The following ZBTB20 variants were observed in gnomAD, a reference collection of about 807,000 sequenced individuals.
The protein encoded by ZBTB20 is zinc finger and BTB domain-containing protein 20.
In ZBTB20, 9 loss-of-function variants were observed where a neutral mutation model predicts 56.9. That is an observed-to-expected ratio of 0.16 (90% CI 0.10 to 0.28). The LOEUF (loss-of-function observed/expected upper bound fraction) is 0.28, where lower values mean the gene tolerates loss of function less well. Ranked by LOEUF, ZBTB20 falls within the 10% of genes least tolerant of loss-of-function variation. The pLI, the probability that ZBTB20 is intolerant of heterozygous loss-of-function variation, is 1.00. For missense variants in ZBTB20, 655 were observed against 1,003.0 expected, an observed-to-expected ratio of 0.65 and a Z score of 4.69; for synonymous variants, 417 against 420.7, an observed-to-expected ratio of 0.99 and a Z score of 0.11.
chr3:114,844,065 C>T (rs2074526157), intron 4 of ZBTB20, among the ~76,000 whole-genome samples: 1 of 151,630 alleles, frequency 6.6e-6, no homozygotes, highest in African/African-American at 2.4e-5. Context: ...AGTCTAAATG[C>T]CCATCCTTAA....
At chr3:114,763,634 G>C (rs1022346003) in intron 5 of ZBTB20, among the ~76,000 whole-genome samples, 4 of 151,918 alleles carry the variant, frequency 2.6e-5, no homozygotes, top group Non-Finnish European at 5.9e-5. Context: ...AATGAGAATA[G>C]TCATCTTTAT....
At chr3:115,128,773 A>C in intron 1 of ZBTB20, among the ~76,000 whole-genome samples, 1 of 148,364 alleles carries the variant, frequency 6.7e-6, no homozygotes, top group African/African-American at 2.5e-5. Context: ...AGGGATGGGA[A>C]GGGAGAAAGA....
chr3:114,877,876 G>A (rs184919822), intron 4 of ZBTB20, among the ~76,000 whole-genome samples: 1 of 152,074 alleles, frequency 6.6e-6, no homozygotes, highest in East Asian at 1.9e-4. Context: ...CTGCTAGCTT[G>A]TGAGAACAAA....
At chr3:114,631,015 GTAGA>G (rs1431776027) in intron 6 of ZBTB20, among the ~76,000 whole-genome samples, 1 of 152,130 alleles carries the variant, frequency 6.6e-6, no homozygotes, top group Non-Finnish European at 1.5e-5. Context: ...TAAGAGGCCA[GTAGA>G]TAAATACCTA....
intron 3 of ZBTB20, among the ~76,000 whole-genome samples, chr3:114,943,366 A>C (rs1029948543): frequency 4.8e-5 from 7 of 145,762 alleles, no homozygotes; most frequent in Middle Eastern, 3.2e-3. Context: ...CAAGCATGCT[A>C]GGAAGTAGAA....
At chr3:114,769,946 G>T (rs886955098) in intron 5 of ZBTB20, among the ~76,000 whole-genome samples, 4 of 151,310 alleles carry the variant, frequency 2.6e-5, no homozygotes, top group Non-Finnish European at 5.9e-5. Context: ...GTAATCCTAG[G>T]TGCTCCAGAG....
At chr3:114,769,519 C>T (rs1031113038) in intron 5 of ZBTB20, among the ~76,000 whole-genome samples, 16 of 136,136 alleles carry the variant, frequency 1.2e-4, no homozygotes, top group Non-Finnish European at 2.3e-4. Context: ...TGTTAAATAG[C>T]TAATATACTT....
At chr3:114,768,101 A>C (rs2108729739) in intron 5 of ZBTB20, among the ~76,000 whole-genome samples, 1 of 152,244 alleles carries the variant, frequency 6.6e-6, no homozygotes, top group East Asian at 1.9e-4. Flanking sequence ...ATCTGGACCA[A>C]GCCATAATAA....
intron 4 of ZBTB20, among the ~76,000 whole-genome samples, chr3:114,823,770 A>G (rs114624460): frequency 1.2e-4 from 18 of 152,172 alleles, no homozygotes; most frequent in African/African-American, 4.3e-4. Flanking sequence ...ATTTTACGCA[A>G]CTTGTGAGGA....
At chr3:115,008,606 G>A (rs545432026) in intron 2 of ZBTB20, among the ~76,000 whole-genome samples, 1 of 151,916 alleles carries the variant, frequency 6.6e-6, no homozygotes, top group African/African-American at 2.4e-5. Flanking sequence ...TCCTAGAGAG[G>A]AAAGATAAAT....
At chr3:114,802,511 A>C (rs1229658133) in intron 4 of ZBTB20, among the ~76,000 whole-genome samples, 1 of 151,798 alleles carries the variant, frequency 6.6e-6, no homozygotes, top group African/African-American at 2.4e-5. Flanking sequence ...GACTAACTAA[A>C]CTTTTCCCCC....
intron 5 of ZBTB20, among the ~76,000 whole-genome samples, chr3:114,782,959 TAAATA>T (rs2070217482): frequency 6.6e-6 from 1 of 152,166 alleles, no homozygotes; most frequent in South Asian, 2.1e-4. Context: ...ATCAGTCCAG[TAAATA>T]AAATAATAAT....
chr3:114,921,833 T>C (rs978712209), intron 3 of ZBTB20, among the ~76,000 whole-genome samples: 19 of 152,116 alleles, frequency 1.2e-4, no homozygotes, highest in African/African-American at 4.1e-4. Flanking sequence ...CTGCACGTTG[T>C]GCACATGTAC....
intron 6 of ZBTB20, among the ~76,000 whole-genome samples, chr3:114,667,176 A>G (rs753190862): frequency 3.9e-5 from 6 of 152,012 alleles, no homozygotes; most frequent in Non-Finnish European, 7.4e-5. Context: ...GATATAAATA[A>G]CTCCTCCATG....
At chr3:114,366,719 T>G (rs939066454) in intron 10 of ZBTB20, 2 of 152,144 alleles carry the variant, frequency 1.3e-5, no homozygotes, top group African/African-American at 2.4e-5. Context: ...TGCTCAGGAG[T>G]TAAGAGAAGC....
intron 5 of ZBTB20, among the ~76,000 whole-genome samples, chr3:114,751,634 G>A (rs1471572415): frequency 6.6e-6 from 1 of 152,018 alleles, no homozygotes; most frequent in Non-Finnish European, 1.5e-5. Flanking sequence ...AAGAAAGGTG[G>A]CACTATCTGG....
intron 4 of ZBTB20, among the ~76,000 whole-genome samples, chr3:114,882,068 T>A (rs2076419600): frequency 6.6e-6 from 1 of 151,910 alleles, no homozygotes; most frequent in African/African-American, 2.4e-5. Flanking sequence ...ACAGAAAATT[T>A]ATTTTCCATA....
At chr3:115,126,938 T>C (rs575829951) in intron 1 of ZBTB20, among the ~76,000 whole-genome samples, 69 of 152,242 alleles carry the variant, frequency 4.5e-4, no homozygotes, top group Non-Finnish European at 8.1e-4. Context: ...AACTATGTTA[T>C]GATTCACCAA....
At chr3:114,724,220 C>T (rs1448635023) in intron 5 of ZBTB20, among the ~76,000 whole-genome samples, 1 of 152,130 alleles carries the variant, frequency 6.6e-6, no homozygotes, top group Non-Finnish European at 1.5e-5. Flanking sequence ...AAAAGGAAGA[C>T]TGTAAAAACA....
Sources: allele counts gnomAD v4.1 joint callset (sites outside exome capture counted in the v4.1 genomes callset), GRCh38; gene constraint gnomAD v4.1.1; transcripts MANE v1.5; gene names NCBI Gene and HGNC (gene_info 2026-07-23, HGNC 2026-07-21).